ERCC6L2: variants seen among roughly 807,000 people sequenced by gnomAD.
ERCC6L2 encodes the protein DNA excision repair protein ERCC-6-like 2.
ERCC6L2 carries 77 observed loss-of-function variants against 132.0 expected under a neutral mutation model. The ratio of observed to expected loss-of-function variants is 0.58; its 90% confidence interval spans 0.49 to 0.71. The LOEUF is 0.71. ERCC6L2 is among the 30% of genes least tolerant of loss of function. The pLI is 0.00. For synonymous variants in ERCC6L2, 583 were observed against 632.4 expected (o/e 0.92, Z 1.17); for missense variants, 1,542 against 1,837.6 (o/e 0.84, Z 2.94).
chr9:95,915,499 C>T (rs1036805206), intron 4 of ERCC6L2, among the ~76,000 whole-genome samples, 169 bp from the exon 5 acceptor site: 1 of 151,982 alleles, frequency 6.6e-6, no homozygotes, highest in Admixed American at 6.6e-5. Context: ...TGTCGACTGT[C>T]CAAGGGTGTG....
At chr9:96,020,480 G>A (rs1834266926), downstream of ERCC6L2, 1 of 316,886 alleles carries the variant, frequency 3.2e-6, no homozygotes, top group East Asian at 8.8e-5. Flanking sequence ...AAACCGAATC[G>A]GCCCCGCGGA....
chr9:95,921,297 G>A lies in ERCC6L2; in HGVS notation c.1281G>A (p.Arg427=), dbSNP rs761315889. The change falls in exon 7 of 19, where the codon AGG becomes AGA. Residue 427 remains arginine (R), a synonymous_variant. Coordinates refer to ENST00000653738, the MANE Select transcript of ERCC6L2 (RefSeq NM_020207.7). ...GTACCTGTAGGAGTGGCCAAAAAAGGAGAAATTGTTGTTATAAGGCAAGCA... is the reference window on the plus strand; with the variant it reads ...GTACCTGTAGGAGTGGCCAAAAAAGAAGAAATTGTTGTTATAAGGCAAGCA... The part of the protein sequence containing the change: ...EPCTCRSGQK[R]RNCCYKTNSH... 1 of 1,611,708 alleles carries A rather than the reference G, an allele frequency of 6.2e-7. No individual in the cohort carries two copies. The highest frequency in any genetic ancestry group is 1.3e-5 in the African/African-American group (1 of 74,832).
chr9:95,942,823 C>T (rs962889695), intron 12 of ERCC6L2, among the ~76,000 whole-genome samples: 1 of 152,006 alleles, frequency 6.6e-6, no homozygotes, highest in Non-Finnish European at 1.5e-5. Flanking sequence ...AGAGAGAAAA[C>T]ATACATGTTA....
Position 95,907,279 on chromosome 9 carries a change from G to T in ERCC6L2, c.788+8G>T. 1.3e-6 allele frequency: 2 copies of T among 1,574,408 alleles called. No individual in the cohort carries two copies. Among genetic ancestry groups the T allele is most frequent in the South Asian group, 1.1e-5 (1 of 87,622 alleles). On this transcript the variant is annotated splice_region_variant and intron_variant, in intron 4 of 18. Transcript: ENST00000653738. ...CCTGGATGAACTTAACAGGTAATGG[G>T]AATAATAGGAATAGGAATGATTGTA...
chr9:95,992,895 T>C (rs1833351291), intron 17 of ERCC6L2, among the ~76,000 whole-genome samples: 1 of 152,144 alleles, frequency 6.6e-6, no homozygotes, highest in African/African-American at 2.4e-5. Flanking sequence ...ATATAACAGG[T>C]ATTATTTCAT....
intron 2 of ERCC6L2, among the ~76,000 whole-genome samples, chr9:95,885,949 A>T (rs1209993328): frequency 2.0e-5 from 3 of 152,094 alleles, no homozygotes; most frequent in Non-Finnish European, 4.4e-5. Flanking sequence ...AACTTTGATT[A>T]ATCTGGTGAG....
intron 12 of ERCC6L2, among the ~76,000 whole-genome samples, chr9:95,951,201 AACAAC>A (rs1831315524): frequency 6.6e-6 from 1 of 152,230 alleles, no homozygotes; most frequent in African/African-American, 2.4e-5. Context: ...GTAGAAGTTA[AACAAC>A]ACACACTTAA....
chr9:95,986,854 C>A (rs1244899471), intron 17 of ERCC6L2, among the ~76,000 whole-genome samples: 1 of 152,126 alleles, frequency 6.6e-6, no homozygotes, highest in Non-Finnish European at 1.5e-5. Context: ...GTTAAAGACA[C>A]ACCAGAGACT....
intron 6 of ERCC6L2, among the ~76,000 whole-genome samples, chr9:95,919,168 A>G (rs1476707945): frequency 6.6e-6 from 1 of 152,074 alleles, no homozygotes; most frequent in African/African-American, 2.4e-5. Context: ...GCCTGTGTCT[A>G]CATTTCTGAG....
intron 11 of ERCC6L2, among the ~76,000 whole-genome samples, chr9:95,940,712 A>T (rs1830758861): frequency 1.3e-5 from 2 of 149,812 alleles, no homozygotes; most frequent in Admixed American, 1.3e-4. Context: ...TTCTATAGGA[A>T]CCAGGAAAAA....
At chr9:95,906,574 C>G in intron 3 of ERCC6L2, 1 of 445,070 alleles carries the variant, frequency 2.2e-6, no homozygotes, top group Non-Finnish European at 4.5e-6. Flanking sequence ...CTTCTGATTG[C>G]TTCAATTTTC....
chr9:95,938,162 T>C (rs1830640100), intron 11 of ERCC6L2, among the ~76,000 whole-genome samples: 1 of 152,054 alleles, frequency 6.6e-6, no homozygotes, highest in Non-Finnish European at 1.5e-5. Context: ...TATTGCTAGT[T>C]TGACTCCATT....
rs1365963373 is a variant in ERCC6L2, at chr9:96,013,007, A to G, written c.4457A>G (p.Asn1486Ser). 7.3e-7 allele frequency: 1 copy of G among 1,367,638 alleles called. No individual in the cohort carries two copies. Among genetic ancestry groups the G allele is most frequent in the African/African-American group, 1.5e-5 (1 of 67,880 alleles). 84.7% of individuals were successfully genotyped at this position (1,367,638 alleles called of 1,614,324 possible). ...TTCTGGGACATCTTGAATGAGCAGA[A>G]TGATGAGAGTCTTAGTAAACTCACA... ...KDFWDILNEQNDESLSKLTDL... is the reference protein window; with the variant it reads ...KDFWDILNEQSDESLSKLTDL... Residue 1486 changes from asparagine to serine, a missense_variant, in exon 19 of 19, where the codon AAT (asparagine) becomes AGT (serine). Physicochemically the swap from Asn to Ser is conservative, Grantham distance 46. Transcript: ENST00000653738.
intron 9 of ERCC6L2, among the ~76,000 whole-genome samples, chr9:95,924,176 A>G (rs1289971479): frequency 6.6e-6 from 1 of 152,200 alleles, no homozygotes; most frequent in Non-Finnish European, 1.5e-5. Context: ...AAGAATAAAA[A>G]GGAAGTAGTT....
intron 3 of ERCC6L2, among the ~76,000 whole-genome samples, chr9:95,903,253 G>T (rs1828865361): frequency 6.6e-6 from 1 of 151,916 alleles, no homozygotes; most frequent in Non-Finnish European, 1.5e-5. Context: ...GGGCCACTTT[G>T]GTGTAAAATT....
chr9:95,975,807 T>C (rs1832645222), intron 16 of ERCC6L2, among the ~76,000 whole-genome samples: 1 of 152,136 alleles, frequency 6.6e-6, no homozygotes, highest in African/African-American at 2.4e-5. Context: ...GTTTTGTTTC[T>C]CTTAAGGCTT....
chr9:95,951,435 A>C (rs1021091326), intron 12 of ERCC6L2, among the ~76,000 whole-genome samples: 3 of 152,178 alleles, frequency 2.0e-5, no homozygotes, highest in African/African-American at 7.2e-5. Context: ...TAGCCAGAGG[A>C]AGGAAATAAC....
intron 3 of ERCC6L2, among the ~76,000 whole-genome samples, chr9:95,906,279 G>T (rs1169094430): frequency 2.0e-5 from 3 of 152,046 alleles, no homozygotes; most frequent in Non-Finnish European, 4.4e-5. Flanking sequence ...AAAAATTTTT[G>T]TTTTTCGGAT....
chr9:95,980,880 G>T (rs1428876205), intron 17 of ERCC6L2, among the ~76,000 whole-genome samples: 4 of 152,130 alleles, frequency 2.6e-5, no homozygotes, highest in Admixed American at 6.5e-5. Flanking sequence ...TCCCACCGAT[G>T]TTACAGTATC....
Sources: gnomAD v4.1 joint callset for allele counts (sites outside exome capture counted in the v4.1 genomes callset) on GRCh38, gnomAD v4.1.1 for gene constraint, MANE v1.5 for transcripts, NCBI Gene and HGNC (gene_info 2026-07-23, HGNC 2026-07-21) for gene names.